The following SGCB variants were observed in gnomAD, a reference collection of about 807,000 sequenced individuals.
The protein encoded by SGCB is sarcoglycan beta.
A neutral mutation model predicts 27.3 loss-of-function variants in SGCB; 25 were observed. That is an observed-to-expected ratio of 0.92 (90% CI 0.67 to 1.28). The LOEUF (loss-of-function observed/expected upper bound fraction) is 1.28, where lower values mean the gene tolerates loss of function less well. SGCB is among the 50% of genes most tolerant of loss of function. The pLI, the probability that SGCB is intolerant of heterozygous loss-of-function variation, is 0.00. For missense variants in SGCB, 436 were observed against 402.1 expected (o/e 1.08, Z -0.72); for synonymous variants, 147 against 133.5 (o/e 1.10, Z -0.70).
intron 5 of SGCB, among the ~76,000 whole-genome samples, chr4:52,027,000 A>T (rs1737115363): frequency 6.6e-6 from 1 of 152,224 alleles, no homozygotes; most frequent in South Asian, 2.1e-4. Flanking sequence ...ATTACATTTT[A>T]TGTCCATCTT....
intron 5 of SGCB, among the ~76,000 whole-genome samples, chr4:52,024,996 T>TA (rs1192164800): frequency 6.6e-6 from 1 of 152,146 alleles, no homozygotes; most frequent in Admixed American, 6.5e-5. Context: ...AACATTCTCT[T>TA]ATTGTAGTTC....
intron 3 of SGCB, among the ~76,000 whole-genome samples, chr4:52,029,208 T>A (rs1275449250): frequency 3.3e-5 from 5 of 152,218 alleles, no homozygotes; most frequent in Non-Finnish European, 7.3e-5. Flanking sequence ...GTGGTAAGAA[T>A]ACCTCCTTGA....
At chr4:52,035,302 CAT>C (rs898024501) in intron 1 of SGCB, among the ~76,000 whole-genome samples, 4 of 152,176 alleles carry the variant, frequency 2.6e-5, no homozygotes, top group Non-Finnish European at 5.9e-5. Context: ...GATTTGTGTA[CAT>C]GTTAACATAA....
At chr4:52,027,183 G>A (rs1737120661) in intron 5 of SGCB, among the ~76,000 whole-genome samples, 1 of 152,092 alleles carries the variant, frequency 6.6e-6, no homozygotes, top group Non-Finnish European at 1.5e-5. Context: ...TACTTGGTAA[G>A]ACAAATTTAA....
At chr4:52,028,969 A>G (rs771401569) in intron 3 of SGCB, 48 bp from the exon 4 acceptor site, 7 of 1,378,814 alleles carry the variant, frequency 5.1e-6, no homozygotes, top group Non-Finnish European at 7.2e-6. Flanking sequence ...AGAAGACTGC[A>G]AACAAAATTC....
chr4:52,024,459 G>C (rs1328439917), intron 5 of SGCB, among the ~76,000 whole-genome samples: 1 of 152,156 alleles, frequency 6.6e-6, no homozygotes, highest in Non-Finnish European at 1.5e-5. Flanking sequence ...TAAAGTTTCA[G>C]ATCATTTTCA....
rs886043385 is a variant in SGCB, at chr4:52,038,271, C to T, written c.-12G>A. 2.3e-6 allele frequency: 3 copies of T among 1,290,714 alleles called. No individual in the cohort carries two copies. Among genetic ancestry groups the T allele is most frequent in the African/African-American group, 3.1e-5 (2 of 65,120 alleles). The allele number at this position is 1,290,714 out of a possible 1,614,324, so 80.0% of individuals were successfully genotyped here. A position where few individuals can be genotyped will look rare whatever the true frequency, so the allele number is the denominator to read the frequency against. On this transcript the variant is annotated 5_prime_UTR_variant, in exon 1 of 6. Transcript: ENST00000381431. ...GCCGCTGCCGCCATCTTCCCGCGCC[C>T]GCCGCCGCCGAGCTCCCCGCCCGAC...
Position 52,023,838 on chromosome 4 carries a change from C to T in SGCB, c.*119G>A, listed in dbSNP as rs1050318145. The stretch of plus-strand genomic sequence containing the variant: ...AACTATGTAGACCATAAAACAGATA[C>T]AGCAGTGCTCTGCCATTAAAATAAT... On this transcript the variant is annotated 3_prime_UTR_variant, in exon 6 of 6. Transcript: ENST00000381431. The T allele has an allele frequency of 1.3e-6, 1 of 779,072 alleles. No individual in the cohort carries two copies. The highest frequency in any genetic ancestry group is 1.4e-5 in the South Asian group (1 of 69,002). 48.3% of individuals were successfully genotyped at this position (779,072 alleles called of 1,614,324 possible).
At chr4:52,037,976 C>T (rs1737440890) in intron 1 of SGCB, among the ~76,000 whole-genome samples, 1 of 152,162 alleles carries the variant, frequency 6.6e-6, no homozygotes, top group African/African-American at 2.4e-5. Context: ...GAGACCCCTC[C>T]TCACCCCCTC....
chr4:52,026,399 C>G lies in SGCB; in HGVS notation c.753+1569G>C, dbSNP rs189365038. 7.0e-4 allele frequency among the ~76,000 whole-genome samples: 106 copies of G among 151,812 alleles called. No homozygotes were observed. The East Asian group carries it at 0.018, about 26-fold the overall frequency. ...TCAGCCTCCCGGGTAGCTGGGATTA[C>G]AGGCGCCCGCCACCACGCCCAGGTA... On this transcript the variant is annotated intron_variant, in intron 5 of 5. Coordinates refer to ENST00000381431, the MANE Select transcript of SGCB (RefSeq NM_000232.5).
At chr4:52,027,877 T>C in intron 5 of SGCB, 91 bp downstream of exon 5, 1 of 1,229,042 alleles carries the variant, frequency 8.1e-7, no homozygotes, top group South Asian at 1.3e-5. Flanking sequence ...TAGACAATTA[T>C]ATCATTTTCA....
chr4:52,031,180 G>A (rs1472882059), intron 2 of SGCB, among the ~76,000 whole-genome samples: 1 of 152,044 alleles, frequency 6.6e-6, no homozygotes. Context: ...TCTGTTCTAG[G>A]AAATTTTCTT....
In SGCB at chr4:52,023,804, G is replaced by C; in HGVS notation, c.*153C>G. 1 of 634,426 alleles carries C rather than the reference G, an allele frequency of 1.6e-6. No individual in the cohort carries two copies. The highest frequency in any genetic ancestry group is 2.8e-6 in the Non-Finnish European group (1 of 357,766). 39.3% of individuals were successfully genotyped at this position (634,426 alleles called of 1,614,324 possible). ...ATGTATTAGAATTTAGGCTCTCTGA[G>C]AAGATTTTAACTATGTAGACCATAA... is the stretch of plus-strand genomic sequence containing the variant. On this transcript the variant is annotated 3_prime_UTR_variant, in exon 6 of 6. Transcript: ENST00000381431.
rs1737026386 is a variant in SGCB, at chr4:52,024,144, A to C, written c.770T>G (p.Leu257Arg). 1 of 1,613,706 alleles carries C rather than the reference A, an allele frequency of 6.2e-7. No individual in the cohort carries two copies. Among genetic ancestry groups the C allele is most frequent in the Non-Finnish European group, 8.5e-7 (1 of 1,179,736 alleles). Residue 257 changes from leucine to arginine, a missense_variant, in exon 6 of 6, where the codon CTA becomes CGA. Leu to Arg is a moderately radical substitution (Grantham distance 102). Transcript: ENST00000381431. ...GGTGCTGACCATCACAGATCCATTT[A>C]GGATGATACTGTTTTCCTATTAGGA... ...MELKAENSII[L>R]NGSVMVSTTR...
At chr4:52,031,115 TGGCC>T (rs1737232044) in intron 2 of SGCB, among the ~76,000 whole-genome samples, 1 of 152,154 alleles carries the variant, frequency 6.6e-6, no homozygotes, top group Non-Finnish European at 1.5e-5. Flanking sequence ...TTCATAATAA[TGGCC>T]TTGTTGTGTC....
In SGCB at chr4:52,022,315, G is replaced by A. The variant is rs911513804; in HGVS notation, c.*1642C>T. 1 of 152,066 alleles carries A rather than the reference G, an allele frequency of 6.6e-6. No homozygotes were observed. 9.4% of individuals were successfully genotyped at this position (152,066 alleles called of 1,614,324 possible). On this transcript the variant is annotated 3_prime_UTR_variant, in exon 6 of 6. Coordinates refer to ENST00000381431, the MANE Select transcript of SGCB (RefSeq NM_000232.5). The stretch of plus-strand genomic sequence containing the variant: ...CAATATTGAATACAAATTGTTTTTT[G>A]TATTGGTTTTCTTATGTGCACAATT...
chr4:52,033,533 A>T lies in SGCB; in HGVS notation c.141T>A (p.Ile47=). ...CTGTTTTGTGGAGACGATCTTCATC[A>T]ATCGGAATGTATCCAGCTTTAAAGT... ...NSNFKAGYIP[I]DEDRLHKTGL... is the part of the protein sequence containing the mutation. Residue 47 remains isoleucine, a synonymous_variant, in exon 2 of 6, where the codon ATT becomes ATA. Coordinates refer to ENST00000381431, the MANE Select transcript of SGCB (RefSeq NM_000232.5). 1.2e-6 allele frequency: 2 copies of T among 1,613,820 alleles called. No individual in the cohort carries two copies. Among genetic ancestry groups the T allele is most frequent in the South Asian group, 1.1e-5 (1 of 91,076 alleles).
chr4:52,034,803 T>A (rs1352626595), intron 1 of SGCB, among the ~76,000 whole-genome samples: 2 of 152,132 alleles, frequency 1.3e-5, no homozygotes, highest in Non-Finnish European at 2.9e-5. Flanking sequence ...GGGGCTGTAT[T>A]TTTGAAATAA....
chr4:52,031,392 CTGTGTGTGTGTGTATGTGTGTGTG>C (rs1413025176), intron 2 of SGCB, among the ~76,000 whole-genome samples: 1 of 140,152 alleles, frequency 7.1e-6, no homozygotes, highest in Non-Finnish European at 1.5e-5. Flanking sequence ...CCATTCATCT[CTGTGTGTGTGTGTATGTGTGTGTG>C]TGTGTGTGTG....
Sources: allele counts gnomAD v4.1 joint callset (sites outside exome capture counted in the v4.1 genomes callset), GRCh38; gene constraint gnomAD v4.1.1; transcripts MANE v1.5; gene names NCBI Gene and HGNC (gene_info 2026-07-23, HGNC 2026-07-21).